The following NT5C1B variants were observed in gnomAD, a reference collection of about 807,000 sequenced individuals.
The protein encoded by NT5C1B is cytosolic 5'-nucleotidase 1B.
Under a neutral mutation model 57.8 loss-of-function variants are expected in NT5C1B, and 44 were observed. The observed-to-expected ratio is 0.76, with a 90% CI of 0.60 to 0.98. The LOEUF is 0.98. Ranked by LOEUF, NT5C1B falls within the 50% of genes least tolerant of loss-of-function variation. The pLI is 0.00. For synonymous variants in NT5C1B, 284 were observed against 282.6 expected (o/e 1.00, Z -0.05); for missense variants, 742 against 719.5 (o/e 1.03, Z -0.36).
At position 18,584,726 on chromosome 2, in the gene NT5C1B, G is replaced by T. The variant is rs758689904; in HGVS notation, c.511C>A (p.Gln171Lys). ...GACGTGCGCGAATATTCCAGCGGCT[G>T]CGAGTCCCGGGTCTGGCGGATTTCC... The change falls in exon 4 of 9, where the codon CAG becomes AAG. Residue 171 changes from glutamine (Q) to lysine (K), a missense_variant. Coordinates refer to ENST00000304081, the Ensembl canonical transcript of NT5C1B. This position sits in a 1 kb window ranked among gnomAD's most constrained non-coding sequence, Gnocchi z 5.8. 4 of 1,613,162 alleles carry T rather than the reference G, an allele frequency of 2.5e-6. No homozygotes were observed. Among genetic ancestry groups the T allele is most frequent in the Middle Eastern group, 1.7e-4 (1 of 6,054 alleles).
chr2:18,577,999 T>G (rs1351433145), intron 6 of NT5C1B, among the ~76,000 whole-genome samples: 1 of 152,122 alleles, frequency 6.6e-6, no homozygotes, highest in Non-Finnish European at 1.5e-5. Flanking sequence ...GACACCTCTA[T>G]GCATAGAAAC....
intron 8 of NT5C1B, among the ~76,000 whole-genome samples, chr2:18,564,603 T>C (rs1056778380): frequency 3.9e-5 from 6 of 152,234 alleles, no homozygotes; most frequent in African/African-American, 9.6e-5. Context: ...ATTTTTAACC[T>C]TTCCAAACAC....
At chr2:18,566,129 CTGT>C (rs1395204521) in intron 8 of NT5C1B, among the ~76,000 whole-genome samples, 2 of 152,086 alleles carry the variant, frequency 1.3e-5, no homozygotes, top group Non-Finnish European at 2.9e-5. Context: ...AGCTCTTCAT[CTGT>C]TATTAGATTT....
At chr2:18,588,527 C>T (rs1415608170) in intron 1 of NT5C1B, among the ~76,000 whole-genome samples, 3 of 152,312 alleles carry the variant, frequency 2.0e-5, no homozygotes, top group African/African-American at 7.2e-5. Context: ...AAAATCTTTT[C>T]ATCAACCCTC....
At chr2:18,586,811 G>A in intron 2 of NT5C1B, 1 of 1,068,614 alleles carries the variant, frequency 9.4e-7, no homozygotes, top group Non-Finnish European at 1.3e-6. Flanking sequence ...CACTGAGGTT[G>A]CAGGGGGACT....
At position 18,587,100 on chromosome 2, in the gene NT5C1B, C is replaced by T. The variant is rs910244928; in HGVS notation, c.120+403G>A. On this transcript the variant is annotated intron_variant, in intron 2 of 8. Coordinates refer to ENST00000304081, the Ensembl canonical transcript of NT5C1B. ...GGCTGTTCCCTCAGCTGCACAAAGG[C>T]AGCGTCTACACGACGAGTGACCCTG... 1.2e-5 allele frequency: 19 copies of T among 1,614,072 alleles called. No individual in the cohort carries two copies. In the Admixed American group the frequency reaches 1.3e-4, roughly 11 times the overall value.
Position 18,563,636 on chromosome 2 carries a change from G to A in NT5C1B, c.*160C>T. On this transcript the variant is annotated 3_prime_UTR_variant, in exon 9 of 9. Transcript: ENST00000304081. ...GAGAAGTAGTTTGATGGTAACTTGAGGGTTCAAAAGGTTTTCCAAAAAATC... is the reference window on the plus strand; with the variant it reads ...GAGAAGTAGTTTGATGGTAACTTGAAGGTTCAAAAGGTTTTCCAAAAAATC... 1.1e-5 allele frequency: 7 copies of A among 665,370 alleles called. No individual in the cohort carries two copies. In the South Asian group the frequency reaches 2.0e-4, roughly 19 times the overall value. 41.2% of individuals were successfully genotyped at this position (665,370 alleles called of 1,614,324 possible). A position where few individuals can be genotyped will look rare whatever the true frequency, so the allele number is the denominator to read the frequency against.
In NT5C1B at chr2:18,564,169, T is replaced by A. The variant is rs755539029; in HGVS notation, c.1330-50A>T. ...CTGTGATACAGTGAGCCAAAGAAAG[T>A]GAATGCTAAAAAGCAGAGACCTATA... On this transcript the variant is annotated intron_variant, in intron 8 of 8. Transcript: ENST00000304081. 4 of 1,503,052 alleles carry A rather than the reference T, an allele frequency of 2.7e-6. No homozygotes were observed. The East Asian group carries it at 9.1e-5, about 34-fold the overall frequency. 93.1% of individuals were successfully genotyped at this position (1,503,052 alleles called of 1,614,324 possible). A position where few individuals can be genotyped will look rare whatever the true frequency, so the allele number is the denominator to read the frequency against.
Position 18,584,538 on chromosome 2 carries a change from G to GTTC in NT5C1B, c.696_698dup (p.Lys232dup). ...CCGGCCAGGGGCGCGAGCAGCTCGGGTTCTTCTCGTAGAACGACCTCATGG... is the reference window on the plus strand; with the variant it reads ...CCGGCCAGGGGCGCGAGCAGCTCGGGTTCTTCTTCTCGTAGAACGACCTCATGG... On this transcript the variant is annotated inframe_insertion, in exon 4 of 9. Transcript: ENST00000304081. This position sits in a 1 kb window ranked among gnomAD's most constrained non-coding sequence, Gnocchi z 5.8. 1 of 1,611,910 alleles carries GTTC rather than the reference G, an allele frequency of 6.2e-7. No individual in the cohort carries two copies. The highest frequency in any genetic ancestry group is 8.5e-7 in the Non-Finnish European group (1 of 1,179,228).
chr2:18,589,548 A>G, exon 1 of NT5C1B: 1 of 1,604,738 alleles, frequency 6.2e-7, no homozygotes, highest in Non-Finnish European at 8.5e-7. Context: ...TCCCTTGCTC[A>G]GTCTAGCTTT....
intron 8 of NT5C1B, among the ~76,000 whole-genome samples, chr2:18,574,336 G>A (rs1665477201): frequency 6.6e-6 from 1 of 152,068 alleles, no homozygotes; most frequent in Non-Finnish European, 1.5e-5. Context: ...CCAAATGCTG[G>A]GGGAGTATGT....
intron 8 of NT5C1B, among the ~76,000 whole-genome samples, chr2:18,570,378 T>C (rs1445061182): frequency 6.6e-6 from 1 of 151,882 alleles, no homozygotes; most frequent in East Asian, 1.9e-4. Flanking sequence ...AAGACACAAA[T>C]TACTAGTATC....
At chr2:18,571,624 T>C (rs1393141401) in intron 8 of NT5C1B, among the ~76,000 whole-genome samples, 3 of 150,178 alleles carry the variant, frequency 2.0e-5, no homozygotes, top group African/African-American at 7.3e-5. Context: ...AAAATTCTTG[T>C]AAAAATTTTT....
At chr2:18,582,978 G>C (rs757249953) in exon 6 of NT5C1B, 1 of 1,613,846 alleles carries the variant, frequency 6.2e-7, no homozygotes. Flanking sequence ...ACGGAGTCTA[G>C]CATTGACATA....
chr2:18,583,639 G>T, intron 5 of NT5C1B: 1 of 355,270 alleles, frequency 2.8e-6, no homozygotes, highest in East Asian at 7.4e-5. Flanking sequence ...TAAGTTCAGA[G>T]AACCTTACCT....
intron 8 of NT5C1B, among the ~76,000 whole-genome samples, chr2:18,567,004 A>T (rs1218793537): frequency 2.6e-5 from 4 of 152,212 alleles, no homozygotes; most frequent in Non-Finnish European, 4.4e-5. Flanking sequence ...AAGCAATTCA[A>T]GTAATTTCAA....
chr2:18,584,784 C>T lies in NT5C1B; in HGVS notation c.453G>A (p.Glu151=). The T allele has an allele frequency of 6.2e-7, 1 of 1,613,620 alleles. No individual in the cohort carries two copies. The change falls in exon 4 of 9, where the codon GAG becomes GAA. Residue 151 remains glutamate, a synonymous_variant. Transcript: ENST00000304081. This position sits in a 1 kb window ranked among gnomAD's most constrained non-coding sequence, Gnocchi z 5.8. The stretch of plus-strand genomic sequence containing the variant: ...TGCCTTGGGCCCAGGCCTCCGGATT[C>T]TCTTGCATTTTGGTGCTGCGCCGGG...
At chr2:18,566,796 C>A (rs992643189) in intron 8 of NT5C1B, among the ~76,000 whole-genome samples, 1 of 152,108 alleles carries the variant, frequency 6.6e-6, no homozygotes, top group African/African-American at 2.4e-5. Context: ...GACTGTTACT[C>A]CCACCCTAAT....
chr2:18,574,353 T>C (rs1665479213), intron 8 of NT5C1B, among the ~76,000 whole-genome samples: 1 of 152,132 alleles, frequency 6.6e-6, no homozygotes, highest in Non-Finnish European at 1.5e-5. Context: ...ATGTAGAGAA[T>C]GTGGAACCCT....
Sources: allele counts gnomAD v4.1 joint callset (sites outside exome capture counted in the v4.1 genomes callset), GRCh38; gene constraint gnomAD v4.1.1; non-coding constraint Gnocchi (gnomAD v3.1); transcripts MANE v1.5; gene names NCBI Gene and HGNC (gene_info 2026-07-23, HGNC 2026-07-21).